Variants in ATP13A4 observed in about 807,000 individuals in gnomAD.
ATP13A4 encodes the protein ATPase 13A4.
In ATP13A4, 114 loss-of-function variants were observed where a neutral mutation model predicts 142.5. The observed-to-expected ratio is 0.80, with a 90% CI of 0.69 to 0.93. ATP13A4 has a LOEUF of 0.93. Ranked by LOEUF, ATP13A4 falls within the 40% of genes least tolerant of loss-of-function variation. The pLI is 0.00. For missense variants in ATP13A4, 1,392 were observed against 1,454.0 expected, an observed-to-expected ratio of 0.96 and a Z score of 0.69; for synonymous variants, 488 against 514.8, an observed-to-expected ratio of 0.95 and a Z score of 0.70.
chr3:193,425,802 G>T (rs1715630501), intron 25 of ATP13A4, among the ~76,000 whole-genome samples: 1 of 151,666 alleles, frequency 6.6e-6, no homozygotes, highest in Admixed American at 6.6e-5. Flanking sequence ...TTGTTCTATT[G>T]CATAGTAGGA....
chr3:193,423,373 A>C (rs1334728808), intron 25 of ATP13A4, among the ~76,000 whole-genome samples: 1 of 149,168 alleles, frequency 6.7e-6, no homozygotes, highest in East Asian at 2.1e-4. Flanking sequence ...TGAGTCCCCC[A>C]CTACAAGGAC....
chr3:193,551,384 G>A (rs145195926), intron 1 of ATP13A4, among the ~76,000 whole-genome samples: 9,088 of 152,078 alleles, frequency 0.06, 333 homozygotes, highest in Non-Finnish European at 0.093. Flanking sequence ...CTGCACTCCA[G>A]CCTGGCAACA....
chr3:193,445,506 C>G (rs1166117555), intron 18 of ATP13A4, among the ~76,000 whole-genome samples: 1 of 151,852 alleles, frequency 6.6e-6, no homozygotes, highest in Non-Finnish European at 1.5e-5. Context: ...CCTATAATCC[C>G]AGCACTTTGG....
At chr3:193,425,674 A>G (rs569311549) in intron 25 of ATP13A4, among the ~76,000 whole-genome samples, 9 of 151,932 alleles carry the variant, frequency 5.9e-5, no homozygotes, top group Non-Finnish European at 1.3e-4. Context: ...TCATAGAAGT[A>G]GAGAGTAGAA....
chr3:193,435,790 C>A, intron 23 of ATP13A4, 46 bp from the exon 24 acceptor site: 1 of 1,501,786 alleles, frequency 6.7e-7, no homozygotes, highest in Non-Finnish European at 9.3e-7. Flanking sequence ...AATGAAAAGA[C>A]ATAAGGTCAG....
At chr3:193,593,110 C>G in exon 1 of ATP13A4, 1 of 420,992 alleles carries the variant, frequency 2.4e-6, no homozygotes, top group Non-Finnish European at 4.2e-6. Flanking sequence ...TCCCGACGCA[C>G]TGTGCGCATG....
At chr3:193,566,488 G>GCAGCCCCAGAGAGC (rs1724137854) in intron 2 of ATP13A4, among the ~76,000 whole-genome samples, 1 of 152,108 alleles carries the variant, frequency 6.6e-6, no homozygotes, top group Non-Finnish European at 1.5e-5. Flanking sequence ...AACCTTCTTT[G>GCAGCCCCAGAGAGC]CTGGGGCCTC....
At chr3:193,507,903 C>T (rs1720943267) in intron 2 of ATP13A4, among the ~76,000 whole-genome samples, 1 of 152,168 alleles carries the variant, frequency 6.6e-6, no homozygotes, top group Non-Finnish European at 1.5e-5. Flanking sequence ...GGTTAAATAA[C>T]CTGCCTGTTA....
rs973939666 is a variant in ATP13A4, at chr3:193,423,475, A to T, written c.2843-8725T>A. On this transcript the variant is annotated intron_variant, in intron 25 of 29. Coordinates refer to ENST00000342695, the MANE Select transcript of ATP13A4 (RefSeq NM_032279.4). ...GCAAACTGAATTTAACAACACATTA[A>T]AAAGGTAATTCACCATGATCAAGTG... 2.7e-5 allele frequency among the ~76,000 whole-genome samples: 4 copies of T among 149,936 alleles called. 1 individual carries two copies. Among genetic ancestry groups the T allele is most frequent in the Non-Finnish European group, 5.9e-5 (4 of 67,638 alleles).
intron 17 of ATP13A4, among the ~76,000 whole-genome samples, chr3:193,452,068 G>A (rs1169774863): frequency 6.6e-6 from 1 of 152,166 alleles, no homozygotes; most frequent in Non-Finnish European, 1.5e-5. Context: ...CATTGCTCAT[G>A]TGTCTCCACA....
At chr3:193,431,069 G>C (rs1398265761) in intron 25 of ATP13A4, among the ~76,000 whole-genome samples, 1 of 151,994 alleles carries the variant, frequency 6.6e-6, no homozygotes, top group Non-Finnish European at 1.5e-5. Context: ...AAATGTATAG[G>C]ATGTGATGGG....
At chr3:193,442,298 T>G in intron 19 of ATP13A4, 95 bp downstream of exon 19, 1 of 1,304,336 alleles carries the variant, frequency 7.7e-7, no homozygotes, top group Non-Finnish European at 1.1e-6. Context: ...TGCTAGACAT[T>G]TGGAAGCATA....
intron 10 of ATP13A4, among the ~76,000 whole-genome samples, chr3:193,466,606 G>A (rs1386529974): frequency 5.9e-5 from 9 of 152,146 alleles, no homozygotes; most frequent in Non-Finnish European, 5.9e-5. Context: ...AGCCCACCCT[G>A]GAAAGAACTT....
At chr3:193,453,202 T>C (rs1717385027) in intron 17 of ATP13A4, among the ~76,000 whole-genome samples, 1 of 152,244 alleles carries the variant, frequency 6.6e-6, no homozygotes. Flanking sequence ...TCATTCTTAC[T>C]ATATAATGGG....
At chr3:193,516,153 C>T (rs1721401783) in intron 1 of ATP13A4, among the ~76,000 whole-genome samples, 3 of 152,160 alleles carry the variant, frequency 2.0e-5, no homozygotes, top group African/African-American at 7.2e-5. Context: ...AGAATTGTCT[C>T]TTAGGATAAC....
At chr3:193,493,223 G>C in intron 3 of ATP13A4, 63 bp from the exon 4 acceptor site, 2 of 1,360,498 alleles carry the variant, frequency 1.5e-6, no homozygotes, top group Non-Finnish European at 2.1e-6. Context: ...CAGCAACCCA[G>C]TGGCTAAAGA....
upstream of ATP13A4, among the ~76,000 whole-genome samples, chr3:193,556,827 G>C (rs899085738): frequency 4.6e-5 from 7 of 152,050 alleles, no homozygotes; most frequent in African/African-American, 1.7e-4. Flanking sequence ...ACATTTAACA[G>C]CCTTACTAGG....
intron 15 of ATP13A4, 45 bp downstream of exon 15, chr3:193,457,334 T>C (rs767001712): frequency 6.2e-7 from 1 of 1,604,890 alleles, no homozygotes; most frequent in South Asian, 1.1e-5. Flanking sequence ...GAAGAGTTTC[T>C]CTTTGAGTTT....
intron 23 of ATP13A4, 80 bp downstream of exon 23, chr3:193,438,395 A>T: frequency 8.4e-7 from 1 of 1,196,938 alleles, no homozygotes; most frequent in Non-Finnish European, 1.2e-6. Context: ...AAGTTTCTCT[A>T]GTCTTTCCCA....
Sources: gnomAD v4.1 joint callset for allele counts (sites outside exome capture counted in the v4.1 genomes callset) on GRCh38, gnomAD v4.1.1 for gene constraint, MANE v1.5 for transcripts, NCBI Gene and HGNC (gene_info 2026-07-23, HGNC 2026-07-21) for gene names.